ROBO1: variants seen among roughly 807,000 people sequenced by gnomAD.
The protein encoded by ROBO1 is roundabout homolog 1.
In ROBO1, 149 loss-of-function variants were observed where a neutral mutation model predicts 195.9. The ratio of observed to expected loss-of-function variants is 0.76; its 90% CI spans 0.67 to 0.87. The LOEUF is 0.87. Among genes scored for constraint, ROBO1 ranks in the 40% least tolerant of loss-of-function variants. The pLI, the probability that ROBO1 is intolerant of heterozygous loss-of-function variation, is 0.00. For synonymous variants in ROBO1, 816 were observed against 733.2 expected (o/e 1.11, Z -1.82); for missense variants, 1,933 against 2,068.3 (o/e 0.93, Z 1.27).
In ROBO1 at chr3:79,466,768, A is replaced by G. The variant is rs143888818; in HGVS notation, c.88+123056T>C. On this transcript the variant is annotated intron_variant, in intron 2 of 30. Transcript: ENST00000464233. ...TCACTTAAAAATGATTTATTAATTTACTTAGAGAAATCAATTAGTACAATT... is the reference window on the plus strand; with the variant it reads ...TCACTTAAAAATGATTTATTAATTTGCTTAGAGAAATCAATTAGTACAATT... Among the ~76,000 whole-genome samples, 599 of 152,300 alleles carry G rather than the reference A, an allele frequency of 3.9e-3. 4 individuals carry two copies. The highest frequency in any genetic ancestry group is 0.029 in the South Asian group (140 of 4,826).
At chr3:79,162,134 G>C (rs1455124953) in intron 2 of ROBO1, among the ~76,000 whole-genome samples, 1 of 152,002 alleles carries the variant, frequency 6.6e-6, no homozygotes, top group Non-Finnish European at 1.5e-5. Context: ...TCAGTGTATG[G>C]TAATAGGCAC....
chr3:79,664,731 C>T (rs146186113), intron 1 of ROBO1, among the ~76,000 whole-genome samples: 15 of 152,006 alleles, frequency 9.9e-5, no homozygotes, highest in East Asian at 2.0e-4. Context: ...TCTGCTATGA[C>T]GGCCCATTAT....
intron 3 of ROBO1, among the ~76,000 whole-genome samples, chr3:79,109,850 T>C (rs1022513484): frequency 7.2e-5 from 11 of 152,114 alleles, no homozygotes; most frequent in Admixed American, 7.2e-4. Context: ...TAATCATTTA[T>C]ACTGAAATTC....
chr3:78,842,176 T>C (rs906556102), intron 4 of ROBO1, among the ~76,000 whole-genome samples: 5 of 135,948 alleles, frequency 3.7e-5, no homozygotes, highest in African/African-American at 1.4e-4. Context: ...ACACGTACTA[T>C]ATATATATAT....
At chr3:79,493,051 C>T (rs1221118045) in intron 2 of ROBO1, among the ~76,000 whole-genome samples, 1 of 151,734 alleles carries the variant, frequency 6.6e-6, no homozygotes, top group East Asian at 1.9e-4. Flanking sequence ...AGCAAAAATA[C>T]AAAATATATT....
intron 9 of ROBO1, 100 bp downstream of exon 9, chr3:78,688,548 T>C: frequency 2.4e-6 from 3 of 1,252,962 alleles, no homozygotes; most frequent in Non-Finnish European, 3.2e-6. Context: ...TCTCTTAATG[T>C]GACAGCTGCA....
intron 3 of ROBO1, among the ~76,000 whole-genome samples, chr3:79,107,329 C>A (rs1244284767): frequency 6.6e-6 from 1 of 151,734 alleles, no homozygotes; most frequent in Non-Finnish European, 1.5e-5. Flanking sequence ...CGTTTCATAT[C>A]ATTTTATCAC....
chr3:78,859,778 T>G (rs1236973003), intron 4 of ROBO1, among the ~76,000 whole-genome samples: 1 of 152,058 alleles, frequency 6.6e-6, no homozygotes, highest in African/African-American at 2.4e-5. Flanking sequence ...TCAGCTTAAG[T>G]GCATTTCAAA....
chr3:79,493,211 G>C (rs1384013703), intron 2 of ROBO1, among the ~76,000 whole-genome samples: 1 of 151,908 alleles, frequency 6.6e-6, no homozygotes, highest in Non-Finnish European at 1.5e-5. Context: ...TTTAATAGCT[G>C]TTCACACTTC....
chr3:78,915,033 G>A (rs1428254814), intron 4 of ROBO1, among the ~76,000 whole-genome samples: 1 of 151,986 alleles, frequency 6.6e-6, no homozygotes, highest in Admixed American at 6.6e-5. Context: ...GTGGCAAACT[G>A]AGAAGACAGA....
At chr3:78,793,864 G>A (rs571829411) in intron 4 of ROBO1, among the ~76,000 whole-genome samples, 4 of 151,656 alleles carry the variant, frequency 2.6e-5, no homozygotes, top group African/African-American at 4.8e-5. Context: ...TGACCGAAAA[G>A]ACTAAATCAT....
In ROBO1 at chr3:79,628,363, C is replaced by T. The variant is rs1560051870; in HGVS notation, c.-50-38402G>A. 2.6e-5 allele frequency among the ~76,000 whole-genome samples: 4 copies of T among 152,042 alleles called. No individual in the cohort carries two copies. In the South Asian group the frequency reaches 6.2e-4, roughly 24 times the overall value. The stretch of plus-strand genomic sequence containing the variant: ...ATGGATGAAGCTGGAAGCCATAATC[C>T]TCAGCAGACTAACACAGCAACAGAA... On this transcript the variant is annotated intron_variant, in intron 1 of 30. Transcript: ENST00000464233.
At chr3:79,719,476 GA>G (rs1453653873) in intron 1 of ROBO1, among the ~76,000 whole-genome samples, 8 of 152,206 alleles carry the variant, frequency 5.3e-5, no homozygotes, top group Admixed American at 6.5e-5. Flanking sequence ...AAACTTTTGT[GA>G]AGGAGTAAAC....
At chr3:78,858,904 G>C (rs1240090867) in intron 4 of ROBO1, among the ~76,000 whole-genome samples, 1 of 152,156 alleles carries the variant, frequency 6.6e-6, no homozygotes, top group Non-Finnish European at 1.5e-5. Flanking sequence ...AGGTGTTCTA[G>C]GACTTAAAAA....
At chr3:79,509,257 TG>T in intron 2 of ROBO1, among the ~76,000 whole-genome samples, 1 of 152,006 alleles carries the variant, frequency 6.6e-6, no homozygotes, top group East Asian at 1.9e-4. Flanking sequence ...TTTTTTTTTC[TG>T]GAAGGCAGCC....
At chr3:78,739,683 A>C (rs1195699230) in intron 5 of ROBO1, among the ~76,000 whole-genome samples, 2 of 152,098 alleles carry the variant, frequency 1.3e-5, no homozygotes, top group Admixed American at 1.3e-4. Flanking sequence ...CTTTTAAAAA[A>C]CTACTCAATT....
intron 29 of ROBO1, among the ~76,000 whole-genome samples, chr3:78,602,005 TAC>T (rs1703201050): frequency 6.6e-6 from 1 of 150,438 alleles, no homozygotes; most frequent in African/African-American, 2.4e-5. Flanking sequence ...TAATTATATA[TAC>T]GTTATACATA....
intron 2 of ROBO1, among the ~76,000 whole-genome samples, chr3:79,438,173 T>A (rs1463673964): frequency 6.6e-6 from 1 of 152,000 alleles, no homozygotes; most frequent in East Asian, 1.9e-4. Flanking sequence ...CGATTTTGAA[T>A]ATTCTCTCAT....
chr3:78,926,031 T>C (rs1167642961), intron 4 of ROBO1, among the ~76,000 whole-genome samples: 15 of 151,994 alleles, frequency 9.9e-5, no homozygotes, highest in Admixed American at 9.8e-4. Context: ...CCCCCACACA[T>C]GGCTAATTCT....
Sources: allele counts gnomAD v4.1 joint callset (sites outside exome capture counted in the v4.1 genomes callset), GRCh38; gene constraint gnomAD v4.1.1; transcripts MANE v1.5; gene names NCBI Gene and HGNC (gene_info 2026-07-23, HGNC 2026-07-21).